Variants in MICOS10 observed in about 807,000 individuals in gnomAD.
MICOS10 encodes the protein mitochondrial contact site and cristae organizing system subunit 10.
MICOS10 carries 5 observed loss-of-function variants against 13.4 expected under a neutral mutation model. The observed-to-expected ratio is 0.37, with a 90% CI of 0.20 to 0.78. The LOEUF is 0.78. MICOS10 is among the 30% of genes least tolerant of loss of function. MICOS10 has a pLI of 0.47. For synonymous variants in MICOS10, 35 were observed against 33.6 expected (o/e 1.04, Z -0.15); for missense variants, 101 against 94.6 (o/e 1.07, Z -0.28).
At position 19,596,986 on chromosome 1, in the gene MICOS10, T is replaced by G; in HGVS notation, c.-60T>G. 2 of 1,532,418 alleles carry G rather than the reference T, an allele frequency of 1.3e-6. No homozygotes were observed. The highest frequency in any genetic ancestry group is 2.4e-5 in the South Asian group (2 of 84,066). The allele number at this position is 1,532,418 out of a possible 1,614,324, so 94.9% of individuals were successfully genotyped here. A position where few individuals can be genotyped will look rare whatever the true frequency, so the allele number is the denominator to read the frequency against. On this transcript the variant is annotated 5_prime_UTR_variant, in exon 1 of 4. Transcript: ENST00000322753. The stretch of plus-strand genomic sequence containing the variant: ...GACTTGTTTCCAGCTCTCGCGAGAC[T>G]TTCAGGGGTCGGAGCGCGGGGGCCG...
At chr1:19,608,315 G>T (rs189060828) in intron 1 of MICOS10, 62 of 1,325,428 alleles carry the variant, frequency 4.7e-5, no homozygotes, top group Non-Finnish European at 6.7e-5. Context: ...AGACCGAGAT[G>T]AATCCTCGCC....
chr1:19,605,627 T>C (rs2792045), intron 1 of MICOS10, among the ~76,000 whole-genome samples: 16,665 of 152,282 alleles, frequency 0.11, 3,088 homozygotes, highest in African/African-American at 0.38. Flanking sequence ...TGTGGTGTAT[T>C]TGTACTACAT....
chr1:19,597,317 G>C (rs1294648011), intron 1 of MICOS10, among the ~76,000 whole-genome samples: 1 of 152,192 alleles, frequency 6.6e-6, no homozygotes, highest in Non-Finnish European at 1.5e-5. Context: ...CAGCAGCCCG[G>C]GTGCGGGGTG....
At chr1:19,599,039 T>C (rs2094803855) in intron 1 of MICOS10, among the ~76,000 whole-genome samples, 1 of 151,948 alleles carries the variant, frequency 6.6e-6, no homozygotes, top group Non-Finnish European at 1.5e-5. Flanking sequence ...CATGAGCCAA[T>C]GCGCCACACT....
chr1:19,607,491 C>G (rs2745225), intron 1 of MICOS10, among the ~76,000 whole-genome samples: 16,657 of 152,160 alleles, frequency 0.11, 3,088 homozygotes, highest in African/African-American at 0.38. Flanking sequence ...AATATTTTTA[C>G]TATGGCCACT....
chr1:19,615,009 C>T (rs1245269177), intron 1 of MICOS10, among the ~76,000 whole-genome samples: 2 of 152,174 alleles, frequency 1.3e-5, no homozygotes, highest in Non-Finnish European at 2.9e-5. Flanking sequence ...TCAGGTGCCA[C>T]CTTCTTGAAA....
chr1:19,612,339 G>A (rs2094866602), intron 1 of MICOS10, among the ~76,000 whole-genome samples: 2 of 151,584 alleles, frequency 1.3e-5, no homozygotes, highest in African/African-American at 4.8e-5. Context: ...TGTGAGCCAC[G>A]TGCCAAGCCA....
intron 1 of MICOS10, among the ~76,000 whole-genome samples, chr1:19,619,678 T>C (rs1449913665): frequency 6.6e-6 from 1 of 152,264 alleles, no homozygotes; most frequent in Non-Finnish European, 1.5e-5. Flanking sequence ...GAATTGCTCC[T>C]TCTTAGAAAT....
intron 1 of MICOS10, 47 bp downstream of exon 1, chr1:19,597,156 G>C (rs779766416): frequency 1.3e-6 from 2 of 1,564,096 alleles, no homozygotes; most frequent in South Asian, 2.3e-5. Context: ...CAGAGCTGCT[G>C]GCTCCAGGCT....
chr1:19,619,059 A>T (rs1296431611), intron 1 of MICOS10, among the ~76,000 whole-genome samples: 5 of 152,246 alleles, frequency 3.3e-5, no homozygotes, highest in African/African-American at 1.2e-4. Context: ...AGTTATTGAT[A>T]GATGAAATGG....
At chr1:19,599,499 G>A (rs952832941) in intron 1 of MICOS10, among the ~76,000 whole-genome samples, 3 of 152,160 alleles carry the variant, frequency 2.0e-5, no homozygotes, top group African/African-American at 7.2e-5. Context: ...GGTGATGTAC[G>A]ATCTCAGGTA....
chr1:19,608,063 A>T, intron 1 of MICOS10: 3 of 806,424 alleles, frequency 3.7e-6, no homozygotes, highest in Non-Finnish European at 6.7e-6. Context: ...AGCTAAAACT[A>T]TAAAACCTAT....
At chr1:19,599,390 G>A (rs920034972) in intron 1 of MICOS10, among the ~76,000 whole-genome samples, 6 of 152,166 alleles carry the variant, frequency 3.9e-5, no homozygotes, top group African/African-American at 1.4e-4. Flanking sequence ...TTGTGCTACT[G>A]AAGACCACGT....
At chr1:19,599,708 C>T (rs114856275) in intron 1 of MICOS10, among the ~76,000 whole-genome samples, 189 of 152,182 alleles carry the variant, frequency 1.2e-3, no homozygotes, top group African/African-American at 4.3e-3. Context: ...AGGAGTAAAT[C>T]GAAGCGCAGA....
intron 1 of MICOS10, among the ~76,000 whole-genome samples, chr1:19,613,609 C>A (rs1306930418): frequency 6.6e-6 from 1 of 152,178 alleles, no homozygotes; most frequent in African/African-American, 2.4e-5. Context: ...AACACTGGAA[C>A]AGTGAACATA....
chr1:19,597,071 A>G lies in MICOS10; in HGVS notation c.26A>G (p.Lys9Arg), dbSNP rs1169312862. The G allele has an allele frequency of 6.3e-7, 1 of 1,596,764 alleles. No individual in the cohort carries two copies. Among genetic ancestry groups the G allele is most frequent in the African/African-American group, 1.4e-5 (1 of 73,202 alleles). The change falls in exon 1 of 4, where the codon AAG (lysine) becomes AGG (arginine). Residue 9 changes from lysine to arginine, a missense_variant. Transcript: ENST00000322753. ...ATGTCTGAGTCGGAGCTCGGCAGGAAGTGGGACCGGTGTCTGGCGGATGCG... is the reference window on the plus strand; with the variant it reads ...ATGTCTGAGTCGGAGCTCGGCAGGAGGTGGGACCGGTGTCTGGCGGATGCG... MSESELGRKWDRCLADAVV... is the reference protein window; with the variant it reads MSESELGRRWDRCLADAVV...
intron 1 of MICOS10, chr1:19,614,379 C>G (rs539071371): frequency 6.9e-6 from 1 of 144,740 alleles, no homozygotes; most frequent in Non-Finnish European, 1.5e-5. Flanking sequence ...CACCCACTCT[C>G]TCTTTCACAC....
At chr1:19,600,550 C>T (rs1473947709) in intron 1 of MICOS10, among the ~76,000 whole-genome samples, 3 of 152,160 alleles carry the variant, frequency 2.0e-5, no homozygotes, top group Non-Finnish European at 2.9e-5. Flanking sequence ...AAGACATAGA[C>T]AGGAAGAAAA....
chr1:19,609,622 ACTGTC>A (rs1351017515), intron 1 of MICOS10, among the ~76,000 whole-genome samples: 1 of 152,276 alleles, frequency 6.6e-6, no homozygotes, highest in South Asian at 2.1e-4. Flanking sequence ...CAAAATGTGG[ACTGTC>A]CTTAAAGTGG....
Sources: gnomAD v4.1 joint callset for allele counts (sites outside exome capture counted in the v4.1 genomes callset) on GRCh38, gnomAD v4.1.1 for gene constraint, MANE v1.5 for transcripts, NCBI Gene and HGNC (gene_info 2026-07-23, HGNC 2026-07-21) for gene names.